SFI1: variants seen among roughly 807,000 people sequenced by gnomAD.
The protein encoded by SFI1 is SFI1 centrin binding protein.
A neutral mutation model predicts 207.5 loss-of-function variants in SFI1; 195 were observed. The ratio of observed to expected loss-of-function variants is 0.94; its 90% CI spans 0.84 to 1.06. The LOEUF is 1.06. SFI1 is among the 50% of genes least tolerant of loss of function. SFI1 has a pLI of 0.00. For missense variants in SFI1, 1,634 were observed against 1,588.0 expected, an observed-to-expected ratio of 1.03 and a Z score of -0.49; for synonymous variants, 630 against 598.9, an observed-to-expected ratio of 1.05 and a Z score of -0.76.
In SFI1 at chr22:31,517,592, T is replaced by G. The variant is rs149748060; in HGVS notation, c.92+9216T>G. On this transcript the variant is annotated intron_variant, in intron 2 of 32. Transcript: ENST00000400288. ...TTTAAGAACTCATTATTTTGCTGTT[T>G]ACATTTTATTGTCCAGACCTCCTGA... Among the ~76,000 whole-genome samples, 1,502 of 152,292 alleles carry G rather than the reference T, an allele frequency of 9.9e-3. 8 individuals carry two copies. The highest frequency in any genetic ancestry group is 0.031 in the Middle Eastern group (9 of 294).
At chr22:31,612,237 A>G in intron 24 of SFI1, 1 of 263,290 alleles carries the variant, frequency 3.8e-6, no homozygotes, top group South Asian at 1.4e-4. Context: ...AAAATCAGCC[A>G]GGCGTGGTGG....
In SFI1 at chr22:31,602,773, G is replaced by A. The variant is rs755038926; in HGVS notation, c.1793G>A (p.Gly598Glu). Residue 598 changes from glycine (G) to glutamate (E), a missense_variant, in exon 17 of 33, where the codon GGG becomes GAG. Physicochemically the swap from Gly to Glu is moderately conservative, Grantham distance 98. Coordinates refer to ENST00000400288, the MANE Select transcript of SFI1 (RefSeq NM_001007467.3). ...TGCCTCTGGAGGGAAAGTGCCCAAG[G>A]GCTCAGAACAGAGTGAGTGGCCAGT... ...AFCLWRESAQ[G>E]LRTERTGRVR... The A allele has an allele frequency of 1.2e-6, 2 of 1,613,396 alleles. No homozygotes were observed. Among genetic ancestry groups the A allele is most frequent in the Non-Finnish European group, 1.7e-6 (2 of 1,179,974 alleles).
At chr22:31,561,646 T>A (rs1235093395) in intron 8 of SFI1, among the ~76,000 whole-genome samples, 1 of 152,226 alleles carries the variant, frequency 6.6e-6, no homozygotes, top group Admixed American at 6.5e-5. Flanking sequence ...GATTTATGAA[T>A]TAGTTATAAA....
At chr22:31,497,829 A>C (rs1284108164) in intron 1 of SFI1, among the ~76,000 whole-genome samples, 1 of 152,186 alleles carries the variant, frequency 6.6e-6, no homozygotes, top group Admixed American at 6.5e-5. Flanking sequence ...GTTCAGAAAA[A>C]AGGATTCCTT....
In SFI1 at chr22:31,606,284, C is replaced by T. The variant is rs750132987; in HGVS notation, c.2055-44C>T. ...ATTCACAGAAGCCTCCCTTCTCTCTCTATCCTGGTGTCATCTGCCTTCCTC... is the reference window on the plus strand; with the variant it reads ...ATTCACAGAAGCCTCCCTTCTCTCTTTATCCTGGTGTCATCTGCCTTCCTC... On this transcript the variant is annotated intron_variant, in intron 20 of 32. Transcript: ENST00000400288. 1.9e-6 allele frequency: 3 copies of T among 1,562,590 alleles called. No individual in the cohort carries two copies. The African/African-American group carries it at 4.1e-5, about 21-fold the overall frequency.
intron 6 of SFI1, among the ~76,000 whole-genome samples, chr22:31,551,257 G>C (rs991399962): frequency 6.6e-6 from 1 of 152,044 alleles, no homozygotes; most frequent in Admixed American, 6.6e-5. Context: ...TTGGTATGTC[G>C]TACAAGGTCT....
At chr22:31,504,974 G>A (rs1246463005) in intron 1 of SFI1, among the ~76,000 whole-genome samples, 1 of 152,164 alleles carries the variant, frequency 6.6e-6, no homozygotes, top group African/African-American at 2.4e-5. Context: ...TTCGCAGGTA[G>A]CAGGGGTGAG....
At chr22:31,566,120 A>ATTT (rs59506981) in intron 8 of SFI1, among the ~76,000 whole-genome samples, 1,660 of 139,482 alleles carry the variant, frequency 0.012, 39 homozygotes, top group African/African-American at 0.041. Context: ...TTCTTTTTCT[A>ATTT]TTTTTTTTTT....
intron 2 of SFI1, among the ~76,000 whole-genome samples, chr22:31,510,622 T>C (rs2055355570): frequency 6.6e-6 from 1 of 151,870 alleles, no homozygotes; most frequent in African/African-American, 2.4e-5. Context: ...TTATTAGAGA[T>C]GGGGTTTTAC....
intron 15 of SFI1, among the ~76,000 whole-genome samples, chr22:31,590,967 A>ATTTTTTTTTTTTTTTT (rs1005027663): frequency 6.9e-6 from 1 of 144,874 alleles, no homozygotes; most frequent in Non-Finnish European, 1.5e-5. Flanking sequence ...TTATTTATTT[A>ATTTTTTTTTTTTTTTT]TTTATTTATT....
chr22:31,568,989 AAATTCTTTAAAAATTAAAGCATTTT>A (rs1181220319), intron 8 of SFI1, among the ~76,000 whole-genome samples: 1 of 152,184 alleles, frequency 6.6e-6, no homozygotes, highest in African/African-American at 2.4e-5. Flanking sequence ...GGAGTTAACT[AAATTCTTTAAAAATTAAAGCATTTT>A]AATTCTTTAA....
In SFI1 at chr22:31,573,090, T is replaced by C. The variant is rs749061504; in HGVS notation, c.798T>C (p.Tyr266=). 1.9e-6 allele frequency: 3 copies of C among 1,613,578 alleles called. No individual in the cohort carries two copies. Among genetic ancestry groups the C allele is most frequent in the Admixed American group, 1.7e-5 (1 of 59,968 alleles). Residue 266 remains tyrosine, a synonymous_variant, in exon 9 of 33, where the codon TAT becomes TAC. Transcript: ENST00000400288. ...AWSQWREQLL[Y]VQKEKQKVVS... ...CACAGTGGCGGGAACAGCTCCTGTA[T>C]GTCCAGAAGGAGAAACAAAAGGTTG...
chr22:31,600,396 C>T (rs1018489), intron 15 of SFI1, among the ~76,000 whole-genome samples: 150,647 of 152,322 alleles, frequency 0.99, 74,517 homozygotes, highest in Middle Eastern at 1. Flanking sequence ...TGGGGTTGAA[C>T]GATCTCAGCT....
intron 8 of SFI1, among the ~76,000 whole-genome samples, chr22:31,566,090 G>A (rs12170867): frequency 0.085 from 12,810 of 151,454 alleles, 952 homozygotes; most frequent in East Asian, 0.38. Flanking sequence ...TTAGAATTAC[G>A]AACAGTACTA....
intron 1 of SFI1, among the ~76,000 whole-genome samples, chr22:31,505,789 T>C (rs976379463): frequency 2.0e-5 from 3 of 152,046 alleles, no homozygotes; most frequent in Non-Finnish European, 4.4e-5. Flanking sequence ...GAGGCTATGG[T>C]GAGAGGACTG....
chr22:31,515,978 T>A (rs906506452), intron 2 of SFI1, among the ~76,000 whole-genome samples: 2 of 151,988 alleles, frequency 1.3e-5, no homozygotes, highest in African/African-American at 4.8e-5. Flanking sequence ...TCCACCTGCC[T>A]TGGCCTCCCA....
intron 4 of SFI1, among the ~76,000 whole-genome samples, chr22:31,542,073 C>A (rs1413866547): frequency 7.1e-6 from 1 of 141,366 alleles, no homozygotes; most frequent in Non-Finnish European, 1.5e-5. Context: ...TGCACTCCAG[C>A]CTGGGTGACA....
At chr22:31,497,244 A>G (rs1869060534) in intron 1 of SFI1, 2 of 152,354 alleles carry the variant, frequency 1.3e-5, no homozygotes, top group South Asian at 2.1e-4. Context: ...ATTGCACTTC[A>G]CAGATACCGT....
At chr22:31,557,892 A>G (rs1186485687) in intron 7 of SFI1, among the ~76,000 whole-genome samples, 1 of 152,338 alleles carries the variant, frequency 6.6e-6, no homozygotes, top group African/African-American at 2.4e-5. Flanking sequence ...ATATGTAACA[A>G]TGAGCTGCAT....
Sources: gnomAD v4.1 joint callset for allele counts (sites outside exome capture counted in the v4.1 genomes callset) on GRCh38, gnomAD v4.1.1 for gene constraint, MANE v1.5 for transcripts, NCBI Gene and HGNC (gene_info 2026-07-23, HGNC 2026-07-21) for gene names.